Variants in NSG2 observed in about 807,000 individuals in gnomAD.
The protein encoded by NSG2 is neuronal vesicle trafficking associated 2.
Under a neutral mutation model 16.9 loss-of-function variants are expected in NSG2, and 4 were observed. The ratio of observed to expected loss-of-function variants is 0.24; its 90% CI spans 0.12 to 0.54. The LOEUF is 0.54. NSG2 is among the 20% of genes least tolerant of loss of function. NSG2 has a pLI of 0.95. For synonymous variants in NSG2, 98 were observed against 88.7 expected, an observed-to-expected ratio of 1.11 and a Z score of -0.59; for missense variants, 179 against 221.1, an observed-to-expected ratio of 0.81 and a Z score of 1.21.
At chr5:174,063,065 G>A (rs1227901847) in intron 2 of NSG2, among the ~76,000 whole-genome samples, 3 of 152,156 alleles carry the variant, frequency 2.0e-5, no homozygotes, top group South Asian at 2.1e-4. Context: ...GGTAGGTGAG[G>A]CATATGAAGT....
At chr5:174,089,374 C>G (rs1760686404) in intron 3 of NSG2, among the ~76,000 whole-genome samples, 2 of 152,138 alleles carry the variant, frequency 1.3e-5, no homozygotes, top group South Asian at 4.1e-4. Flanking sequence ...TACGCCGCCA[C>G]CAGAGGGAAA....
chr5:174,064,146 G>A (rs1760102323), intron 2 of NSG2, 86 bp from the exon 3 acceptor site: 1 of 860,156 alleles, frequency 1.2e-6, no homozygotes, highest in Non-Finnish European at 1.8e-6. Context: ...TTTATGTCAT[G>A]TGTAATAAAT....
chr5:174,075,700 C>T (rs1403948264), intron 3 of NSG2, among the ~76,000 whole-genome samples: 2 of 152,214 alleles, frequency 1.3e-5, no homozygotes, highest in African/African-American at 2.4e-5. Context: ...GGCTTCCTCG[C>T]TCTCTGGGCC....
chr5:174,050,084 C>G (rs537032151), intron 2 of NSG2, among the ~76,000 whole-genome samples: 8 of 152,246 alleles, frequency 5.3e-5, no homozygotes, highest in African/African-American at 1.9e-4. Context: ...AATTTTGGGA[C>G]TCACTCACAG....
chr5:174,092,818 A>G (rs1221654988), intron 3 of NSG2, among the ~76,000 whole-genome samples: 1 of 152,122 alleles, frequency 6.6e-6, no homozygotes, highest in African/African-American at 2.4e-5. Context: ...AGGATGCTCT[A>G]TGTGACTATA....
intron 3 of NSG2, among the ~76,000 whole-genome samples, chr5:174,080,479 C>T (rs1760429777): frequency 6.7e-6 from 1 of 150,294 alleles, no homozygotes; most frequent in African/African-American, 2.5e-5. Flanking sequence ...TTCTTTCTTT[C>T]CCTCTTTCTT....
At chr5:174,093,308 G>A (rs1760748418) in intron 3 of NSG2, among the ~76,000 whole-genome samples, 2 of 152,282 alleles carry the variant, frequency 1.3e-5, no homozygotes, top group South Asian at 4.1e-4. Flanking sequence ...ACTAGGATAG[G>A]CTAGGCCTAT....
At chr5:174,056,055 C>T (rs1457142900) in intron 2 of NSG2, 1 of 152,222 alleles carries the variant, frequency 6.6e-6, no homozygotes, top group African/African-American at 2.4e-5. Context: ...CAACTTCACC[C>T]TCTCTCTTTA....
chr5:174,065,874 C>G (rs978808667), intron 3 of NSG2, among the ~76,000 whole-genome samples: 2 of 152,180 alleles, frequency 1.3e-5, no homozygotes, highest in Admixed American at 6.5e-5. Context: ...GTTGCTATGA[C>G]GATGAAGTAC....
chr5:174,104,201 G>A, intron 3 of NSG2, 27 bp from the exon 4 acceptor site: 1 of 1,557,702 alleles, frequency 6.4e-7, no homozygotes, highest in Non-Finnish European at 8.9e-7. Flanking sequence ...GACTGAGGCT[G>A]GATGACTTAA....
chr5:174,049,318 C>T (rs949505331), intron 2 of NSG2, among the ~76,000 whole-genome samples: 1 of 151,978 alleles, frequency 6.6e-6, no homozygotes, highest in Admixed American at 6.6e-5. Context: ...CCAGCCTGGG[C>T]GACAGAGCGA....
rs1321055364 is a variant in NSG2, at chr5:174,108,380, T to C, written c.*875T>C. ...CAAGAAGGAAGGCACGGGACAGGCA[T>C]GTGACACTAGGCCACAAGCGATAAG... On this transcript the variant is annotated 3_prime_UTR_variant, in exon 5 of 5. Coordinates refer to ENST00000303177, the MANE Select transcript of NSG2 (RefSeq NM_015980.5). 2 of 154,488 alleles carry C rather than the reference T, an allele frequency of 1.3e-5. No homozygotes were observed. Among genetic ancestry groups the C allele is most frequent in the Non-Finnish European group, 2.9e-5 (2 of 69,446 alleles). The allele number at this position is 154,488 out of a possible 1,614,324, so 9.6% of individuals were successfully genotyped here.
intron 3 of NSG2, among the ~76,000 whole-genome samples, chr5:174,101,745 C>T (rs949046181): frequency 2.0e-5 from 3 of 152,170 alleles, no homozygotes; most frequent in Non-Finnish European, 2.9e-5. Context: ...GAAATCTGAG[C>T]ATTTAAAATT....
At chr5:174,054,415 C>T (rs547904358) in intron 2 of NSG2, among the ~76,000 whole-genome samples, 2 of 152,182 alleles carry the variant, frequency 1.3e-5, no homozygotes, top group African/African-American at 2.4e-5. Flanking sequence ...CTCTCTCTGT[C>T]GTCCTGAAGC....
At chr5:174,095,980 A>C (rs1013908563) in intron 3 of NSG2, among the ~76,000 whole-genome samples, 5 of 152,256 alleles carry the variant, frequency 3.3e-5, no homozygotes, top group Non-Finnish European at 7.3e-5. Flanking sequence ...CACACTACAT[A>C]GAACTAGATG....
chr5:174,099,718 GC>G (rs1760869695), intron 3 of NSG2, among the ~76,000 whole-genome samples: 1 of 152,114 alleles, frequency 6.6e-6, no homozygotes, highest in Non-Finnish European at 1.5e-5. Context: ...TCTTTCCAGG[GC>G]TGATGCCATT....
At chr5:174,096,283 C>T (rs1760792839) in intron 3 of NSG2, among the ~76,000 whole-genome samples, 1 of 152,192 alleles carries the variant, frequency 6.6e-6, no homozygotes, top group South Asian at 2.1e-4. Flanking sequence ...TGTGATCAGA[C>T]AGCGTAGCGG....
At chr5:174,078,259 C>T (rs1260972466) in intron 3 of NSG2, among the ~76,000 whole-genome samples, 2 of 151,848 alleles carry the variant, frequency 1.3e-5, no homozygotes, top group African/African-American at 4.8e-5. Flanking sequence ...CTTATATGTA[C>T]AGTACACGCA....
chr5:174,100,965 A>G (rs1245318647), intron 3 of NSG2, among the ~76,000 whole-genome samples: 1 of 152,236 alleles, frequency 6.6e-6, no homozygotes, highest in Non-Finnish European at 1.5e-5. Flanking sequence ...GGGGTTGCAC[A>G]TGGTCATTGG....
Sources: allele counts gnomAD v4.1 joint callset (sites outside exome capture counted in the v4.1 genomes callset), GRCh38; gene constraint gnomAD v4.1.1; transcripts MANE v1.5; gene names NCBI Gene and HGNC (gene_info 2026-07-23, HGNC 2026-07-21).